BBX: variants seen among roughly 807,000 people sequenced by gnomAD.
BBX encodes the protein HMG box transcription factor BBX.
A neutral mutation model predicts 100.2 loss-of-function variants in BBX; 30 were observed. The ratio of observed to expected loss-of-function variants is 0.30; its 90% confidence interval spans 0.22 to 0.41. The LOEUF is 0.41. Ranked by LOEUF, BBX falls within the 10% of genes least tolerant of loss-of-function variation. The pLI is 1.00. For missense variants in BBX, 1,023 were observed against 1,129.8 expected, an observed-to-expected ratio of 0.91 and a Z score of 1.35; for synonymous variants, 376 against 388.1, an observed-to-expected ratio of 0.97 and a Z score of 0.37.
intron 2 of BBX, among the ~76,000 whole-genome samples, chr3:107,582,984 T>A (rs2052397987): frequency 6.6e-6 from 1 of 151,910 alleles, no homozygotes; most frequent in African/African-American, 2.4e-5. Context: ...ACCTGTGTTT[T>A]AATACTTTTT....
intron 3 of BBX, among the ~76,000 whole-genome samples, chr3:107,696,837 A>G (rs2060642695): frequency 6.6e-6 from 1 of 151,426 alleles, no homozygotes; most frequent in Non-Finnish European, 1.5e-5. Flanking sequence ...AGGTACACCA[A>G]TCAGACATAG....
At chr3:107,659,887 T>G (rs888710554) in intron 3 of BBX, 1 of 467,472 alleles carries the variant, frequency 2.1e-6, no homozygotes, top group Non-Finnish European at 3.4e-6. Context: ...GAGGGACGTA[T>G]AATATGACAG....
At chr3:107,542,428 G>A (rs1331389424) in intron 2 of BBX, among the ~76,000 whole-genome samples, 1 of 152,180 alleles carries the variant, frequency 6.6e-6, no homozygotes, top group Non-Finnish European at 1.5e-5. Context: ...TTGAAGAATT[G>A]TAATTTGAAA....
intron 3 of BBX, among the ~76,000 whole-genome samples, chr3:107,698,529 G>A (rs2060823219): frequency 6.6e-6 from 1 of 151,364 alleles, no homozygotes; most frequent in Admixed American, 6.6e-5. Flanking sequence ...GCATACTCCT[G>A]TAGTCCCAGA....
intron 13 of BBX, among the ~76,000 whole-genome samples, chr3:107,786,208 G>A (rs2068403543): frequency 6.6e-6 from 1 of 152,016 alleles, no homozygotes. Flanking sequence ...TCATGGATTG[G>A]AGGACTTCTT....
intron 7 of BBX, among the ~76,000 whole-genome samples, chr3:107,733,598 T>G (rs1350797954): frequency 6.6e-6 from 1 of 152,130 alleles, no homozygotes; most frequent in Non-Finnish European, 1.5e-5. Flanking sequence ...CACCTCAGCC[T>G]TTTGGGTGGC....
intron 2 of BBX, among the ~76,000 whole-genome samples, chr3:107,575,178 G>A (rs573504798): frequency 2.3e-4 from 35 of 152,198 alleles, no homozygotes; most frequent in African/African-American, 8.4e-4. Context: ...TTCTTTACTT[G>A]TCTAGTTGTA....
intron 2 of BBX, among the ~76,000 whole-genome samples, chr3:107,578,413 TG>T (rs2051986909): frequency 1.4e-5 from 2 of 138,532 alleles, no homozygotes; most frequent in Non-Finnish European, 3.4e-5. Flanking sequence ...CAGACTTGAC[TG>T]AAAGATAGAG....
intron 2 of BBX, among the ~76,000 whole-genome samples, chr3:107,579,809 G>A (rs147149692): frequency 2.2e-4 from 34 of 152,228 alleles, no homozygotes; most frequent in African/African-American, 7.7e-4. Context: ...TACCATATCG[G>A]TCTTCATTCT....
At chr3:107,544,120 G>A (rs142431352) in intron 2 of BBX, among the ~76,000 whole-genome samples, 1 of 152,290 alleles carries the variant, frequency 6.6e-6, no homozygotes, top group East Asian at 1.9e-4. Flanking sequence ...TGCCTTATCA[G>A]AGTTCTGCTC....
At chr3:107,737,895 T>TTTTTG (rs2063760172) in intron 7 of BBX, among the ~76,000 whole-genome samples, 5 of 112,530 alleles carry the variant, frequency 4.4e-5, no homozygotes, top group Admixed American at 2.8e-4. Context: ...TTTTTTTTTT[T>TTTTTG]TTTTTTTTTT....
chr3:107,795,862 A>G (rs73212030), intron 15 of BBX, among the ~76,000 whole-genome samples: 16,001 of 152,050 alleles, frequency 0.11, 1,062 homozygotes, highest in Middle Eastern at 0.16. Context: ...TGTTTTTACC[A>G]ATTCATCTGG....
chr3:107,525,308 G>C (rs1461134486), intron 1 of BBX: 1 of 151,984 alleles, frequency 6.6e-6, no homozygotes, highest in African/African-American at 2.4e-5. Context: ...ATCTTCGCCG[G>C]GGCCCGCGGG....
chr3:107,802,523 T>C (rs933695073), intron 17 of BBX, among the ~76,000 whole-genome samples: 2 of 152,220 alleles, frequency 1.3e-5, no homozygotes, highest in Non-Finnish European at 2.9e-5. Context: ...CACATACACG[T>C]GCAGTGAGAA....
At chr3:107,711,290 CAGTATAAG>C (rs1302883899) in intron 4 of BBX, 1 of 470,804 alleles carries the variant, frequency 2.1e-6, no homozygotes, top group Non-Finnish European at 4.4e-6. Context: ...AATAGAAGCT[CAGTATAAG>C]AACAGGGGCC....
chr3:107,666,704 T>A (rs1287118866), intron 3 of BBX, among the ~76,000 whole-genome samples: 2 of 152,184 alleles, frequency 1.3e-5, no homozygotes, highest in African/African-American at 2.4e-5. Context: ...CCTGAGTAGC[T>A]GGGGCTACAG....
intron 3 of BBX, among the ~76,000 whole-genome samples, chr3:107,686,754 T>G (rs943313949): frequency 1.1e-4 from 16 of 152,280 alleles, no homozygotes; most frequent in Admixed American, 3.9e-4. Flanking sequence ...TTGGCCATGT[T>G]TATTACTTGT....
intron 2 of BBX, among the ~76,000 whole-genome samples, chr3:107,596,469 G>A (rs917139108): frequency 2.0e-5 from 3 of 152,186 alleles, no homozygotes. Context: ...GGGGAAGAAA[G>A]TTGGGACCCA....
intron 8 of BBX, among the ~76,000 whole-genome samples, chr3:107,744,927 C>T (rs1576605612): frequency 6.6e-6 from 1 of 152,098 alleles, no homozygotes; most frequent in Admixed American, 6.6e-5. Context: ...TCATTAAAGT[C>T]ATACTAAATA....
Sources: allele counts gnomAD v4.1 joint callset (sites outside exome capture counted in the v4.1 genomes callset), GRCh38; gene constraint gnomAD v4.1.1; transcripts MANE v1.5; gene names NCBI Gene and HGNC (gene_info 2026-07-23, HGNC 2026-07-21).